RBM47: variants seen among roughly 807,000 people sequenced by gnomAD.
RBM47 encodes RNA binding motif protein 47.
In RBM47, 21 loss-of-function variants were observed where a neutral mutation model predicts 47.1. The ratio of observed to expected loss-of-function variants is 0.45; its 90% confidence interval spans 0.32 to 0.64. The LOEUF is 0.64. Among genes scored for constraint, RBM47 ranks in the 30% least tolerant of loss-of-function variants. The pLI is 0.05. For missense variants in RBM47, 708 were observed against 870.9 expected, an observed-to-expected ratio of 0.81 and a Z score of 2.35; for synonymous variants, 375 against 361.7, an observed-to-expected ratio of 1.04 and a Z score of -0.42.
chr4:40,445,291 A>G (rs990913021), intron 3 of RBM47, among the ~76,000 whole-genome samples: 1 of 151,566 alleles, frequency 6.6e-6, no homozygotes, highest in Non-Finnish European at 1.5e-5. Flanking sequence ...AAAAAAAAAA[A>G]AGACAGTGTT....
intron 2 of RBM47, among the ~76,000 whole-genome samples, chr4:40,518,820 C>A (rs764340570): frequency 5.9e-5 from 9 of 151,492 alleles, no homozygotes; most frequent in Non-Finnish European, 1.0e-4. Flanking sequence ...AAAAAAAAAT[C>A]CCAAAGGAAG....
chr4:40,441,452 C>A (rs538228195), intron 3 of RBM47, among the ~76,000 whole-genome samples: 225 of 152,168 alleles, frequency 1.5e-3, no homozygotes, highest in African/African-American at 5.1e-3. Flanking sequence ...ACATGAAGAC[C>A]TTTCCCTTCT....
chr4:40,482,922 A>G (rs187177581), intron 2 of RBM47, among the ~76,000 whole-genome samples: 2 of 152,326 alleles, frequency 1.3e-5, no homozygotes, highest in Admixed American at 6.5e-5. Context: ...GGGAGCTCTT[A>G]TTTTTTGAAA....
At chr4:40,593,221 A>C (rs903847481) in intron 1 of RBM47, among the ~76,000 whole-genome samples, 7 of 148,170 alleles carry the variant, frequency 4.7e-5, no homozygotes, top group Non-Finnish European at 7.5e-5. Context: ...AAGGGTCTCG[A>C]TCTCCTGACC....
chr4:40,445,469 TTTCA>T (rs532413245), intron 3 of RBM47, among the ~76,000 whole-genome samples: 102 of 152,226 alleles, frequency 6.7e-4, no homozygotes, highest in African/African-American at 2.4e-3. Flanking sequence ...GAGGGTTTGT[TTTCA>T]TTCATTCATT....
Position 40,457,715 on chromosome 4 carries a change from A to G in RBM47, c.-32+8862T>C, listed in dbSNP as rs112784095. On this transcript the variant is annotated intron_variant, in intron 3 of 6. Coordinates refer to ENST00000295971, the MANE Select transcript of RBM47 (RefSeq NM_001098634.2). ...CTCCCAAAGTGCTGGGATTAGAGGC[A>G]TGAGTCACTGTGCCCAGCCAAGGGT... 9.9e-3 allele frequency among the ~76,000 whole-genome samples: 1,505 copies of G among 152,328 alleles called. 29 individuals are homozygous for G. Among genetic ancestry groups the G allele is most frequent in the African/African-American group, 0.035 (1,445 of 41,572 alleles).
chr4:40,431,397 G>A (rs9990638), intron 6 of RBM47, among the ~76,000 whole-genome samples: 74,006 of 151,718 alleles, frequency 0.49, 19,765 homozygotes, highest in East Asian at 0.76. Flanking sequence ...GGTGGCTCAC[G>A]CCTGTAATCC....
At chr4:40,429,248 C>A (rs58297917) in intron 6 of RBM47, among the ~76,000 whole-genome samples, 37,649 of 151,744 alleles carry the variant, frequency 0.25, 5,547 homozygotes, top group Non-Finnish European at 0.33. Flanking sequence ...GATATGCCAA[C>A]GAGGAGCACT....
intron 1 of RBM47, among the ~76,000 whole-genome samples, chr4:40,570,290 T>TA (rs1282118165): frequency 6.6e-6 from 1 of 151,904 alleles, no homozygotes; most frequent in Non-Finnish European, 1.5e-5. Flanking sequence ...CACCACAATG[T>TA]AGAATCAGTG....
intron 2 of RBM47, among the ~76,000 whole-genome samples, chr4:40,538,391 A>G (rs1560454705): frequency 1.4e-5 from 2 of 145,640 alleles, no homozygotes; most frequent in Non-Finnish European, 3.0e-5. Flanking sequence ...CAATGGCACG[A>G]TCTCAGCTCA....
intron 6 of RBM47, among the ~76,000 whole-genome samples, chr4:40,430,073 T>TA (rs1261676261): frequency 6.6e-6 from 1 of 152,008 alleles, no homozygotes; most frequent in African/African-American, 2.4e-5. Context: ...CACGTGCCTG[T>TA]AGTCCTAGCT....
At chr4:40,601,128 C>A (rs945141867) in intron 1 of RBM47, among the ~76,000 whole-genome samples, 1 of 152,054 alleles carries the variant, frequency 6.6e-6, no homozygotes, top group African/African-American at 2.4e-5. Flanking sequence ...AATGAAGAAG[C>A]ATAGCAACTG....
intron 1 of RBM47, among the ~76,000 whole-genome samples, chr4:40,579,423 GAAAAAAAAA>G (rs10653342): frequency 4.9e-5 from 5 of 102,002 alleles, no homozygotes; most frequent in African/African-American, 2.0e-4. Flanking sequence ...CCCTGTCTCA[GAAAAAAAAA>G]AAAAAAAAAT....
intron 1 of RBM47, among the ~76,000 whole-genome samples, chr4:40,551,098 C>T (rs1416235115): frequency 6.6e-6 from 1 of 152,078 alleles, no homozygotes; most frequent in African/African-American, 2.4e-5. Flanking sequence ...GGTAGCAAGC[C>T]CAGCCTGCCC....
intron 1 of RBM47, among the ~76,000 whole-genome samples, chr4:40,557,523 CG>C (rs1730216608): frequency 6.6e-6 from 1 of 151,960 alleles, no homozygotes; most frequent in African/African-American, 2.4e-5. Context: ...CTGAGGTGGG[CG>C]GATCAACTGA....
chr4:40,559,954 A>G (rs917581390), intron 1 of RBM47, among the ~76,000 whole-genome samples: 1 of 152,168 alleles, frequency 6.6e-6, no homozygotes, highest in African/African-American at 2.4e-5. Flanking sequence ...AATTACTTGC[A>G]CTAGCCAGAT....
chr4:40,547,285 G>A (rs1729125863), intron 1 of RBM47, among the ~76,000 whole-genome samples: 1 of 152,114 alleles, frequency 6.6e-6, no homozygotes, highest in Non-Finnish European at 1.5e-5. Flanking sequence ...TTGGAGACAG[G>A]GTCTTTAAAT....
chr4:40,592,245 C>T (rs1734213115), intron 1 of RBM47, among the ~76,000 whole-genome samples: 1 of 150,400 alleles, frequency 6.6e-6, no homozygotes. Context: ...ATCACATTTA[C>T]TTTTTCTTTT....
intron 1 of RBM47, among the ~76,000 whole-genome samples, chr4:40,627,659 C>T (rs954815020): frequency 6.6e-6 from 1 of 152,050 alleles, no homozygotes; most frequent in Non-Finnish European, 1.5e-5. Flanking sequence ...AACAGTAAAC[C>T]AAATAGTCTA....
Sources: gnomAD v4.1 joint callset for allele counts (sites outside exome capture counted in the v4.1 genomes callset) on GRCh38, gnomAD v4.1.1 for gene constraint, MANE v1.5 for transcripts, NCBI Gene and HGNC (gene_info 2026-07-23, HGNC 2026-07-21) for gene names.